Variants in DRC11 observed in about 807,000 individuals in gnomAD.
DRC11 encodes dynein regulatory complex subunit 11, also known as IQ and AAA domain-containing protein 1.
At chr2:236,491,192 A>ATATATATATATATATATATACACACAG in the DRC11 span, among the ~76,000 whole-genome samples, 9 of 49,654 alleles carry the variant, frequency 1.8e-4, no homozygotes, top group Non-Finnish European at 3.4e-4. Context: ...CACACAGTAT[A>ATATATATATATATATATATACACACAG]TATATATATA....
the DRC11 span, among the ~76,000 whole-genome samples, chr2:236,498,308 A>AG: frequency 6.6e-6 from 1 of 151,928 alleles, no homozygotes; most frequent in Admixed American, 6.5e-5. Context: ...TACAAAAAAA[A>AG]AAAAAAATTA....
chr2:236,423,225 T>A, the DRC11 span, among the ~76,000 whole-genome samples: 1 of 151,670 alleles, frequency 6.6e-6, no homozygotes, highest in Non-Finnish European at 1.5e-5. Flanking sequence ...CTAAAGAGCT[T>A]CTGCACAGCA....
chr2:236,344,411 G>T, the DRC11 span: 1 of 618,938 alleles, frequency 1.6e-6, no homozygotes, highest in Admixed American at 2.9e-5. Context: ...ATACAGTTAG[G>T]GCAGACAGAG....
the DRC11 span, chr2:236,363,723 T>A: frequency 6.0e-6 from 8 of 1,333,528 alleles, no homozygotes; most frequent in Non-Finnish European, 8.5e-6. The surrounding 1 kb of genome is among the most constrained non-coding windows in gnomAD (Gnocchi z 5.6). Flanking sequence ...CTGCAGGGTT[T>A]GAAAATGTAA....
chr2:236,367,524 C>G, the DRC11 span: 2 of 151,868 alleles, frequency 1.3e-5, no homozygotes, highest in Non-Finnish European at 2.9e-5. This position sits in a 1 kb window ranked among gnomAD's most constrained non-coding sequence, Gnocchi z 4.8. Context: ...GTTGTCAGAA[C>G]TGAAACTCCT....
the DRC11 span, chr2:236,503,612 C>T: frequency 3.0e-5 from 46 of 1,546,740 alleles, no homozygotes; most frequent in Non-Finnish European, 3.7e-5. The surrounding 1 kb of genome is among the most constrained non-coding windows in gnomAD (Gnocchi z 4.9). Flanking sequence ...TGAAAGCACA[C>T]GGATCCCTGC....
chr2:236,331,398 G>A, the DRC11 span: 5 of 1,613,802 alleles, frequency 3.1e-6, no homozygotes, highest in Non-Finnish European at 4.2e-6. This position sits in a 1 kb window ranked among gnomAD's most constrained non-coding sequence, Gnocchi z 4.8. Flanking sequence ...CTGGATTCAT[G>A]CTGGTTATCG....
the DRC11 span, among the ~76,000 whole-genome samples, chr2:236,462,366 A>G: frequency 1.3e-5 from 2 of 152,094 alleles, no homozygotes; most frequent in African/African-American, 4.8e-5. This position sits in a 1 kb window ranked among gnomAD's most constrained non-coding sequence, Gnocchi z 6.4. Flanking sequence ...CAGCCATACC[A>G]CATGGCTGTA....
the DRC11 span, among the ~76,000 whole-genome samples, chr2:236,355,157 G>A: frequency 1.2e-4 from 19 of 152,216 alleles, no homozygotes; most frequent in African/African-American, 4.6e-4. Context: ...GGAAACAATG[G>A]CAGAGGCCTC....
At chr2:236,441,183 C>T in the DRC11 span, 15 of 1,127,186 alleles carry the variant, frequency 1.3e-5, no homozygotes, top group Non-Finnish European at 2.6e-6. Flanking sequence ...GTTATATACC[C>T]CATTTATTTG....
At chr2:236,319,908 T>A in the DRC11 span, among the ~76,000 whole-genome samples, 1 of 152,198 alleles carries the variant, frequency 6.6e-6, no homozygotes, top group Non-Finnish European at 1.5e-5. The surrounding 1 kb of genome is among the most constrained non-coding windows in gnomAD (Gnocchi z 6.7). Context: ...TTCCTCATGT[T>A]CATCGCATGG....
chr2:236,311,285 T>C, the DRC11 span, among the ~76,000 whole-genome samples: 22 of 152,248 alleles, frequency 1.4e-4, no homozygotes, highest in East Asian at 3.5e-3. The surrounding 1 kb of genome is among the most constrained non-coding windows in gnomAD (Gnocchi z 6.9). Flanking sequence ...GTGTTGGAGG[T>C]AGCAGGTGGT....
chr2:236,316,663 A>G, the DRC11 span, among the ~76,000 whole-genome samples: 3 of 152,260 alleles, frequency 2.0e-5, no homozygotes, highest in East Asian at 3.8e-4. This position sits in a 1 kb window ranked among gnomAD's most constrained non-coding sequence, Gnocchi z 6.8. Context: ...CACTATGCAT[A>G]TGAAAAGATG....
the DRC11 span, among the ~76,000 whole-genome samples, chr2:236,363,408 G>A: frequency 6.6e-6 from 1 of 152,186 alleles, no homozygotes. This position sits in a 1 kb window ranked among gnomAD's most constrained non-coding sequence, Gnocchi z 5.6. Context: ...CCATACCTTG[G>A]CAACCCATGT....
chr2:236,427,710 GT>G, the DRC11 span, among the ~76,000 whole-genome samples: 3 of 151,702 alleles, frequency 2.0e-5, no homozygotes, highest in East Asian at 1.9e-4. This position sits in a 1 kb window ranked among gnomAD's most constrained non-coding sequence, Gnocchi z 5.9. Context: ...TTTTTCTGTT[GT>G]TTTTTTGAGG....
At chr2:236,344,552 C>G in the DRC11 span, 3 of 1,607,782 alleles carry the variant, frequency 1.9e-6, no homozygotes, top group Non-Finnish European at 2.6e-6. Flanking sequence ...TGAGAAAGTC[C>G]TCACCATCTT....
chr2:236,354,092 G>C, the DRC11 span, among the ~76,000 whole-genome samples: 1 of 152,096 alleles, frequency 6.6e-6, no homozygotes. Context: ...CTGGTAAACT[G>C]AGGCAAAGCA....
At chr2:236,356,045 C>T in the DRC11 span, among the ~76,000 whole-genome samples, 8 of 152,230 alleles carry the variant, frequency 5.3e-5, no homozygotes, top group Non-Finnish European at 1.0e-4. Context: ...TGTCCAGATG[C>T]TGCAGACCAC....
chr2:236,310,813 A>G, the DRC11 span, among the ~76,000 whole-genome samples: 5 of 152,194 alleles, frequency 3.3e-5, no homozygotes, highest in African/African-American at 1.2e-4. The surrounding 1 kb of genome is among the most constrained non-coding windows in gnomAD (Gnocchi z 5.5). Flanking sequence ...GGTATTTTGG[A>G]TGTCTTGTTG....
Sources: allele counts gnomAD v4.1 joint callset (sites outside exome capture counted in the v4.1 genomes callset), GRCh38; gene constraint gnomAD v4.1.1; non-coding constraint Gnocchi (gnomAD v3.1); transcripts MANE v1.5; gene names NCBI Gene and HGNC (gene_info 2026-07-23, HGNC 2026-07-21).